Variants in MATCAP2 observed in about 807,000 individuals in gnomAD.
MATCAP2 encodes the protein microtubule associated tyrosine carboxypeptidase 2.
At chr7:36,344,366 T>C in the MATCAP2 span, among the ~76,000 whole-genome samples, 1 of 152,242 alleles carries the variant, frequency 6.6e-6, no homozygotes, top group African/African-American at 2.4e-5. Context: ...TTTAATGATA[T>C]GAGAAAATGT....
the MATCAP2 span, chr7:36,355,471 A>G: frequency 6.6e-6 from 1 of 152,248 alleles, no homozygotes. Flanking sequence ...CATTTTTTAA[A>G]AAGCAAATAC....
the MATCAP2 span, among the ~76,000 whole-genome samples, chr7:36,370,948 C>T: frequency 6.6e-6 from 1 of 152,060 alleles, no homozygotes; most frequent in Non-Finnish European, 1.5e-5. Context: ...ATTCTAGAAG[C>T]ATTGTATTGT....
the MATCAP2 span, chr7:36,366,813 C>G: frequency 6.6e-7 from 1 of 1,523,512 alleles, no homozygotes; most frequent in South Asian, 1.2e-5. Context: ...GGTGGAGTCC[C>G]GAGCGGCGCG....
At chr7:36,328,793 C>T in the MATCAP2 span, among the ~76,000 whole-genome samples, 2 of 151,896 alleles carry the variant, frequency 1.3e-5, no homozygotes, top group African/African-American at 4.8e-5. Flanking sequence ...CGCCTGTAAT[C>T]CTAGCACTTT....
chr7:36,390,051 G>GC, the MATCAP2 span: 1 of 1,613,810 alleles, frequency 6.2e-7, no homozygotes, highest in South Asian at 1.1e-5. Flanking sequence ...GGAGGTGAGT[G>GC]AGTTTGCGGG....
the MATCAP2 span, chr7:36,335,231 G>A: frequency 1.6e-5 from 24 of 1,543,806 alleles, no homozygotes; most frequent in Middle Eastern, 3.4e-4. Context: ...TAAAGGTAAG[G>A]GGAGAAGCTT....
the MATCAP2 span, chr7:36,325,794 A>G: frequency 4.6e-5 from 7 of 152,180 alleles, no homozygotes; most frequent in Non-Finnish European, 8.8e-5. Flanking sequence ...TTGATAAAAT[A>G]TACTGAACCA....
At chr7:36,365,909 C>T in the MATCAP2 span, among the ~76,000 whole-genome samples, 2 of 152,328 alleles carry the variant, frequency 1.3e-5, no homozygotes, top group East Asian at 3.9e-4. Context: ...TTCCTGTCAA[C>T]ATAAATGATA....
the MATCAP2 span, chr7:36,336,355 T>C: frequency 8.0e-7 from 1 of 1,245,552 alleles, no homozygotes; most frequent in Non-Finnish European, 1.1e-6. Flanking sequence ...TGAGATGTCA[T>C]AAGCTAGCTA....
chr7:36,346,646 T>C, the MATCAP2 span, among the ~76,000 whole-genome samples: 3 of 152,192 alleles, frequency 2.0e-5, no homozygotes, highest in African/African-American at 4.8e-5. Flanking sequence ...TGGGGAACGA[T>C]TGCTAATGGG....
the MATCAP2 span, among the ~76,000 whole-genome samples, chr7:36,378,559 C>A: frequency 1.3e-5 from 2 of 152,344 alleles, no homozygotes; most frequent in East Asian, 3.9e-4. Context: ...GGTTCAGGGA[C>A]CCACTTGAGG....
chr7:36,364,098 T>A, the MATCAP2 span, among the ~76,000 whole-genome samples: 1 of 151,644 alleles, frequency 6.6e-6, no homozygotes. Context: ...CTTCTTTTTT[T>A]TTTTTTTGTG....
chr7:36,355,790 T>C, the MATCAP2 span: 2 of 104,024 alleles, frequency 1.9e-5, no homozygotes, highest in African/African-American at 6.7e-5. Context: ...GAAGCTAATA[T>C]ATTATAAAAA....
At chr7:36,358,502 C>T in the MATCAP2 span, among the ~76,000 whole-genome samples, 1 of 152,036 alleles carries the variant, frequency 6.6e-6, no homozygotes, top group African/African-American at 2.4e-5. Context: ...TTTTTCTTGG[C>T]AAGTTAGAAA....
chr7:36,384,777 C>T, the MATCAP2 span, among the ~76,000 whole-genome samples: 1 of 151,420 alleles, frequency 6.6e-6, no homozygotes, highest in Non-Finnish European at 1.5e-5. Flanking sequence ...GAAGAGTGTC[C>T]AGGCAGTGGA....
chr7:36,369,684 T>A, the MATCAP2 span, among the ~76,000 whole-genome samples: 1 of 152,188 alleles, frequency 6.6e-6, no homozygotes, highest in African/African-American at 2.4e-5. Context: ...GGGCTTGGTG[T>A]TTTTGGAGTA....
At chr7:36,361,436 T>G in the MATCAP2 span, among the ~76,000 whole-genome samples, 61,952 of 151,994 alleles carry the variant, frequency 0.41, 13,143 homozygotes, top group African/African-American at 0.49. Flanking sequence ...CAAATGGAAA[T>G]TTCGTATGGT....
chr7:36,385,858 A>AAAATAAAAT, the MATCAP2 span, among the ~76,000 whole-genome samples: 6 of 148,886 alleles, frequency 4.0e-5, no homozygotes, highest in Non-Finnish European at 7.4e-5. Context: ...AAAATAAGAT[A>AAAATAAAAT]AAGAAAGAAC....
the MATCAP2 span, chr7:36,334,046 A>G: frequency 1.4e-5 from 22 of 1,614,158 alleles, no homozygotes; most frequent in Non-Finnish European, 1.6e-5. Flanking sequence ...GAACACTGTG[A>G]ATGCTTGCTA....
Sources: allele counts gnomAD v4.1 joint callset (sites outside exome capture counted in the v4.1 genomes callset), GRCh38; gene constraint gnomAD v4.1.1; transcripts MANE v1.5; gene names NCBI Gene and HGNC (gene_info 2026-07-23, HGNC 2026-07-21).